The following ELK4 variants were observed in gnomAD, a reference collection of about 807,000 sequenced individuals.
The protein encoded by ELK4 is ETS transcription factor ELK4.
In ELK4, 16 loss-of-function variants were observed where a neutral mutation model predicts 29.6. The observed-to-expected ratio is 0.54, with a 90% CI of 0.37 to 0.82. ELK4 has a LOEUF of 0.82. Among genes scored for constraint, ELK4 ranks in the 40% least tolerant of loss-of-function variants. The pLI, the probability that ELK4 is intolerant of heterozygous loss-of-function variation, is 0.00. For missense variants in ELK4, 465 were observed against 507.1 expected (o/e 0.92, Z 0.80); for synonymous variants, 213 against 191.1 (o/e 1.11, Z -0.95).
chr1:205,610,307 C>CA lies in ELK4; in HGVS notation c.*6238dup, dbSNP rs1302087386. On this transcript the variant is annotated 3_prime_UTR_variant, in exon 5 of 5. Coordinates refer to ENST00000357992, the MANE Select transcript of ELK4 (RefSeq NM_001973.4). ...GAAGATCATTCAGCCCAAGACACTC[C>CA]ACTCTGAGGTTTTGGCTAATACTAA... 4.3e-6 allele frequency: 1 copy of CA among 231,396 alleles called. No individual in the cohort carries two copies. Among genetic ancestry groups the CA allele is most frequent in the Non-Finnish European group, 8.5e-6 (1 of 116,972 alleles). The allele number at this position is 231,396 out of a possible 1,614,324, so 14.3% of individuals were successfully genotyped here. A position where few individuals can be genotyped will look rare whatever the true frequency, so the allele number is the denominator to read the frequency against.
Position 205,610,800 on chromosome 1 carries a change from G to C in ELK4, c.*5746C>G. 1 of 231,466 alleles carries C rather than the reference G, an allele frequency of 4.3e-6. No homozygotes were observed. Among genetic ancestry groups the C allele is most frequent in the Non-Finnish European group, 8.5e-6 (1 of 117,082 alleles). 14.3% of individuals were successfully genotyped at this position (231,466 alleles called of 1,614,324 possible). On this transcript the variant is annotated 3_prime_UTR_variant, in exon 5 of 5. Coordinates refer to ENST00000357992, the MANE Select transcript of ELK4 (RefSeq NM_001973.4). ...GCACACACACACACACACACATTCA[G>C]TCAATACATCAGTATATATGCATAC...
Position 205,623,905 on chromosome 1 carries a change from G to C in ELK4, c.-9-14C>G. On this transcript the variant is annotated splice_polypyrimidine_tract_variant and intron_variant, in intron 1 of 4. Coordinates refer to ENST00000357992, the MANE Select transcript of ELK4 (RefSeq NM_001973.4). ...CATAGCAATGAGCTGAAAGAATATA[G>C]ATAAGATATGTGATAATATTAACAG... 1.2e-6 allele frequency: 2 copies of C among 1,610,314 alleles called. No homozygotes were observed. The highest frequency in any genetic ancestry group is 1.7e-6 in the Non-Finnish European group (2 of 1,176,818).
chr1:205,613,461 CTT>C lies in ELK4; in HGVS notation c.*3083_*3084del, dbSNP rs1346174353. 3 of 184,732 alleles carry C rather than the reference CTT, an allele frequency of 1.6e-5. No homozygotes were observed. The highest frequency in any genetic ancestry group is 3.4e-5 in the Non-Finnish European group (3 of 87,224). The allele number at this position is 184,732 out of a possible 1,614,324, so 11.4% of individuals were successfully genotyped here. On this transcript the variant is annotated 3_prime_UTR_variant, in exon 5 of 5. Coordinates refer to ENST00000357992, the MANE Select transcript of ELK4 (RefSeq NM_001973.4). ...TTTAGAAATTATGTGAAAATCCACT[CTT>C]GGGTGGAGTAAATGCAATGGTTTGC...
In ELK4 at chr1:205,631,943, G is replaced by C. The variant is rs1332750045; in HGVS notation, c.-321C>G. On this transcript the variant is annotated 5_prime_UTR_variant, in exon 1 of 5. Transcript: ENST00000357992. ...GGCGTTCCTTGCAGCGGCGGGGCCT[G>C]CCAGGCCCTCCGCGGCCGCCGCCAC... The C allele has an allele frequency of 1.3e-5, 2 of 150,270 alleles. No individual in the cohort carries two copies. The highest frequency in any genetic ancestry group is 4.2e-4 in the South Asian group (2 of 4,806). 9.3% of individuals were successfully genotyped at this position (150,270 alleles called of 1,614,324 possible). A position where few individuals can be genotyped will look rare whatever the true frequency, so the allele number is the denominator to read the frequency against.
intron 1 of ELK4, among the ~76,000 whole-genome samples, chr1:205,629,673 C>T (rs771497033): frequency 6.6e-6 from 1 of 151,902 alleles, no homozygotes; most frequent in Non-Finnish European, 1.5e-5. Context: ...GCTGAAATCA[C>T]ACCACTGCAC....
chr1:205,630,061 A>C (rs1027030090), intron 1 of ELK4, among the ~76,000 whole-genome samples: 8 of 151,970 alleles, frequency 5.3e-5, no homozygotes, highest in East Asian at 1.9e-4. Context: ...ACAACAAAAC[A>C]AAACCAAACA....
Position 205,610,976 on chromosome 1 carries a change from T to C in ELK4, c.*5570A>G, listed in dbSNP as rs1256969987. On this transcript the variant is annotated 3_prime_UTR_variant, in exon 5 of 5. Coordinates refer to ENST00000357992, the MANE Select transcript of ELK4 (RefSeq NM_001973.4). Reference sequence around the variant, plus strand: ...TGATTAGCACTCAAGAGATTAACTATGTTTGATTGTATCCCTCATGAATTT... The same window carrying C: ...TGATTAGCACTCAAGAGATTAACTACGTTTGATTGTATCCCTCATGAATTT... 1.3e-5 allele frequency: 3 copies of C among 224,702 alleles called. No individual in the cohort carries two copies. The highest frequency in any genetic ancestry group is 2.7e-5 in the Non-Finnish European group (3 of 112,772). The allele number at this position is 224,702 out of a possible 1,614,324, so 13.9% of individuals were successfully genotyped here.
Position 205,613,308 on chromosome 1 carries a change from A to C in ELK4, c.*3238T>G. On this transcript the variant is annotated 3_prime_UTR_variant, in exon 5 of 5. Transcript: ENST00000357992. ...AACACACCAAGACTCCATCTCTAAA[A>C]AATTAAATTAAAGGATTACTGAAAG... 1 of 191,958 alleles carries C rather than the reference A, an allele frequency of 5.2e-6. No individual in the cohort carries two copies. The highest frequency in any genetic ancestry group is 2.3e-5 in the African/African-American group (1 of 43,122). The allele number at this position is 191,958 out of a possible 1,614,324, so 11.9% of individuals were successfully genotyped here.
intron 2 of ELK4, 81 bp downstream of exon 2, chr1:205,623,595 G>A (rs1485311365): frequency 5.2e-5 from 79 of 1,508,044 alleles, no homozygotes; most frequent in Non-Finnish European, 1.3e-5. Context: ...GATTACAGGC[G>A]TGAGCCACTG....
rs1250915320 is a variant in ELK4, at chr1:205,608,133, G to T, written c.*8413C>A. ...TTACATAAAATAGATTTTTAAAAAT[G>T]TATATCTTTCCTAAAAGATGCATAT... On this transcript the variant is annotated 3_prime_UTR_variant, in exon 5 of 5. Transcript: ENST00000357992. 2 of 185,434 alleles carry T rather than the reference G, an allele frequency of 1.1e-5. No homozygotes were observed. Among genetic ancestry groups the T allele is most frequent in the African/African-American group, 2.3e-5 (1 of 42,668 alleles). 11.5% of individuals were successfully genotyped at this position (185,434 alleles called of 1,614,324 possible).
In ELK4 at chr1:205,615,962, G is replaced by A. The variant is rs1247034446; in HGVS notation, c.*584C>T. ...TGCCTTTTCATGGAGTTGCTTACAC[G>A]TTATAGTTCACACAAAACAATCTCC... On this transcript the variant is annotated 3_prime_UTR_variant, in exon 5 of 5. Coordinates refer to ENST00000357992, the MANE Select transcript of ELK4 (RefSeq NM_001973.4). 4 of 220,244 alleles carry A rather than the reference G, an allele frequency of 1.8e-5. No homozygotes were observed. Among genetic ancestry groups the A allele is most frequent in the East Asian group, 6.7e-5 (1 of 14,824 alleles). 13.6% of individuals were successfully genotyped at this position (220,244 alleles called of 1,614,324 possible). A position where few individuals can be genotyped will look rare whatever the true frequency, so the allele number is the denominator to read the frequency against.
chr1:205,616,743 T>C (rs1276546504), intron 4 of ELK4, 99 bp from the exon 5 acceptor site: 36 of 952,620 alleles, frequency 3.8e-5, no homozygotes, highest in Non-Finnish European at 5.2e-5. Context: ...AACAGCCTTC[T>C]GTAATGGCTC....
intron 1 of ELK4, chr1:205,625,477 A>G: frequency 1.5e-6 from 1 of 683,564 alleles, no homozygotes; most frequent in South Asian, 1.4e-5. Context: ...CCGGGTTCCC[A>G]ACAGGATGAA....
intron 2 of ELK4, among the ~76,000 whole-genome samples, chr1:205,621,924 TG>T (rs35245252): frequency 0.12 from 18,085 of 151,674 alleles, 1,304 homozygotes; most frequent in East Asian, 0.34. Flanking sequence ...CACTTAATGG[TG>T]AAAGAGCCCT....
intron 1 of ELK4, among the ~76,000 whole-genome samples, chr1:205,626,774 C>T (rs751130186): frequency 1.3e-5 from 2 of 152,198 alleles, no homozygotes; most frequent in Non-Finnish European, 2.9e-5. Flanking sequence ...AAGTTTAATA[C>T]ATGACTCAAC....
chr1:205,620,837 T>C lies in ELK4; in HGVS notation c.209A>G (p.Asn70Ser), dbSNP rs1234400813. 6.3e-7 allele frequency: 1 copy of C among 1,592,980 alleles called. No homozygotes were observed. The highest frequency in any genetic ancestry group is 8.5e-7 in the Non-Finnish European group (1 of 1,173,888). Reference sequence around the variant, plus strand: ...CTGACCATTCACTTTTTTGATGATATTCTGTAGGTTAAAAAAAAAAGCATT... The same window carrying C: ...CTGACCATTCACTTTTTTGATGATACTCTGTAGGTTAAAAAAAAAAGCATT... The part of the protein sequence containing the change: ...SRALRYYYVK[N>S]IIKKVNGQKF... Residue 70 changes from asparagine to serine, a missense_variant and splice_region_variant, in exon 3 of 5, where the codon AAT becomes AGT. Physicochemically the swap from Asn to Ser is conservative, Grantham distance 46. Coordinates refer to ENST00000357992, the MANE Select transcript of ELK4 (RefSeq NM_001973.4).
At chr1:205,619,715 G>A in intron 3 of ELK4, 4 of 1,440,774 alleles carry the variant, frequency 2.8e-6, no homozygotes, top group Non-Finnish European at 3.6e-6. Context: ...TTCTTTAGGA[G>A]GAAATAGAAA....
intron 1 of ELK4, among the ~76,000 whole-genome samples, chr1:205,631,118 C>T (rs764387341): frequency 6.6e-6 from 1 of 152,080 alleles, no homozygotes; most frequent in Non-Finnish European, 1.5e-5. Context: ...GTGCACAAGG[C>T]GGAAAGTAAA....
intron 1 of ELK4, among the ~76,000 whole-genome samples, chr1:205,629,279 C>T (rs1363545806): frequency 6.6e-6 from 1 of 151,640 alleles, no homozygotes; most frequent in African/African-American, 2.4e-5. Flanking sequence ...TCACTGGGTA[C>T]TTTAAAGGAA....
Sources: allele counts gnomAD v4.1 joint callset (sites outside exome capture counted in the v4.1 genomes callset), GRCh38; gene constraint gnomAD v4.1.1; transcripts MANE v1.5; gene names NCBI Gene and HGNC (gene_info 2026-07-23, HGNC 2026-07-21).